GGT7: variants seen among roughly 807,000 people sequenced by gnomAD.
GGT7 encodes gamma-glutamyltransferase 7.
A neutral mutation model predicts 69.2 loss-of-function variants in GGT7; 30 were observed. That is an observed-to-expected ratio of 0.43 (90% CI 0.32 to 0.59). The LOEUF is 0.59. Among genes scored for constraint, GGT7 ranks in the 20% least tolerant of loss-of-function variants. The probability of loss-of-function intolerance (pLI) is 0.05; values close to 1 mark genes in which losing one functional copy is unlikely to be tolerated. For synonymous variants in GGT7, 388 were observed against 391.8 expected (o/e 0.99, Z 0.12); for missense variants, 733 against 901.1 (o/e 0.81, Z 2.39).
chr20:34,853,465 A>G (rs1255022897), intron 10 of GGT7, among the ~76,000 whole-genome samples: 1 of 151,302 alleles, frequency 6.6e-6, no homozygotes, highest in Non-Finnish European at 1.5e-5. Context: ...GGGAGGCTGA[A>G]GCAGGAGAAT....
At chr20:34,851,743 T>C (rs1211679910) in intron 12 of GGT7, among the ~76,000 whole-genome samples, 1 of 152,192 alleles carries the variant, frequency 6.6e-6, no homozygotes, top group Non-Finnish European at 1.5e-5. Context: ...GATTTTTAAC[T>C]AGATAAAAAT....
At chr20:34,855,814 T>TGTGTGTGTGTGTGTGTGTGTGAGA (rs56219337) in intron 8 of GGT7, among the ~76,000 whole-genome samples, 6 of 144,516 alleles carry the variant, frequency 4.2e-5, no homozygotes, top group African/African-American at 1.3e-4. Context: ...TGTGTGTGTG[T>TGTGTGTGTGTGTGTGTGTGTGAGA]GATAATGGTC....
At chr20:34,853,189 C>A (rs912523357) in intron 10 of GGT7, among the ~76,000 whole-genome samples, 1 of 152,148 alleles carries the variant, frequency 6.6e-6, no homozygotes, top group African/African-American at 2.4e-5. Flanking sequence ...AAATGATCCA[C>A]TCACCTCGGC....
rs2079286704 is a variant in GGT7, at chr20:34,845,396, T to C, written c.1921A>G (p.Thr641Ala). The change falls in exon 15 of 15, where the codon ACC (threonine) becomes GCC (alanine). Residue 641 changes from threonine (T) to alanine (A), a missense_variant. Coordinates refer to ENST00000336431, the MANE Select transcript of GGT7 (RefSeq NM_178026.3). ...TTAACAGCGATGATGAAGTTGTTGGTCCTTCGGCTGCCATGGACCCAGGAT... is the reference window on the plus strand; with the variant it reads ...TTAACAGCGATGATGAAGTTGTTGGCCCTTCGGCTGCCATGGACCCAGGAT... The part of the protein sequence containing the change: ...VLSWVHGSRR[T>A]NNFIIAVKDP... The C allele has an allele frequency of 6.2e-7, 1 of 1,614,136 alleles. No homozygotes were observed. Among genetic ancestry groups the C allele is most frequent in the Non-Finnish European group, 8.5e-7 (1 of 1,179,994 alleles).
chr20:34,862,472 G>T (rs527918400), intron 3 of GGT7, among the ~76,000 whole-genome samples: 1 of 151,552 alleles, frequency 6.6e-6, no homozygotes, highest in Non-Finnish European at 1.5e-5. Context: ...CTTTTCATCA[G>T]ACCCATAGGG....
chr20:34,869,407 A>G (rs1331862495), intron 1 of GGT7, among the ~76,000 whole-genome samples: 1 of 152,148 alleles, frequency 6.6e-6, no homozygotes, highest in Non-Finnish European at 1.5e-5. Context: ...CCTGAGCTCA[A>G]GCAATCTGCC....
In GGT7 at chr20:34,863,729, G is replaced by C. The variant is rs1297601339; in HGVS notation, c.170-181C>G. ...CAGGACAGGCGGGGCAACGGTGCCC[G>C]GCTAGGAAGAGACAGGGACCTCCCC... On this transcript the variant is annotated intron_variant, in intron 1 of 14. Transcript: ENST00000336431. This position sits in a 1 kb window ranked among gnomAD's most constrained non-coding sequence, Gnocchi z 4.4. 7.0e-6 allele frequency: 5 copies of C among 717,466 alleles called. No homozygotes were observed. The highest frequency in any genetic ancestry group is 1.3e-5 in the Non-Finnish European group (5 of 386,228). The allele number at this position is 717,466 out of a possible 1,614,324, so 44.4% of individuals were successfully genotyped here. A position where few individuals can be genotyped will look rare whatever the true frequency, so the allele number is the denominator to read the frequency against.
chr20:34,869,440 G>A (rs1041081768), intron 1 of GGT7, among the ~76,000 whole-genome samples: 2 of 152,162 alleles, frequency 1.3e-5, no homozygotes, highest in Non-Finnish European at 2.9e-5. Flanking sequence ...CCAAAATGCT[G>A]GGATTACAGG....
chr20:34,855,235 GGT>G (rs1331905878), intron 8 of GGT7, among the ~76,000 whole-genome samples: 3 of 152,284 alleles, frequency 2.0e-5, no homozygotes, highest in Admixed American at 2.0e-4. Context: ...AGCAGAAACA[GGT>G]GACCAGATGT....
intron 13 of GGT7, among the ~76,000 whole-genome samples, chr20:34,850,440 G>A (rs569805772): frequency 5.3e-5 from 8 of 152,258 alleles, no homozygotes; most frequent in African/African-American, 1.9e-4. Flanking sequence ...AGGAGTGTGC[G>A]TAGGCTCTGG....
intron 10 of GGT7, among the ~76,000 whole-genome samples, chr20:34,853,124 T>A (rs888877702): frequency 2.0e-5 from 3 of 152,028 alleles, no homozygotes; most frequent in African/African-American, 7.2e-5. Context: ...TAATTTTTTT[T>A]AGTAGAGACG....
intron 7 of GGT7, 89 bp downstream of exon 7, chr20:34,859,354 G>A: frequency 2.2e-6 from 2 of 925,944 alleles, no homozygotes; most frequent in Middle Eastern, 2.6e-4. Context: ...AAGGGAGGGA[G>A]GGAGGGAAGG....
chr20:34,861,138 C>T (rs1208127818), intron 4 of GGT7, among the ~76,000 whole-genome samples: 1 of 152,194 alleles, frequency 6.6e-6, no homozygotes, highest in African/African-American at 2.4e-5. Flanking sequence ...AAGTTATAGT[C>T]AACTGGCTCA....
intron 14 of GGT7, 94 bp from the exon 15 acceptor site, chr20:34,845,585 C>A: frequency 1.9e-6 from 2 of 1,059,174 alleles, no homozygotes; most frequent in East Asian, 2.4e-5. Context: ...CCTGGCTGCT[C>A]CACCACAGAG....
chr20:34,868,528 T>G (rs2079729671), intron 1 of GGT7, among the ~76,000 whole-genome samples: 1 of 152,210 alleles, frequency 6.6e-6, no homozygotes, highest in Non-Finnish European at 1.5e-5. Context: ...GATATCTAAT[T>G]TTTACCTTCA....
intron 7 of GGT7, 85 bp downstream of exon 7, chr20:34,859,358 G>GGGAA (rs374722538): frequency 3.0e-6 from 3 of 990,044 alleles, no homozygotes; most frequent in Middle Eastern, 2.4e-4. Context: ...GAGGGAGGGA[G>GGGAA]GGAAGGAAGG....
rs368037837 is a variant in GGT7 at position 34,854,664 on chromosome 20, C to A, written c.1231-45G>T. The A allele has an allele frequency of 5.7e-6, 9 of 1,575,622 alleles. No individual in the cohort carries two copies. The African/African-American group carries it at 1.2e-4, about 21-fold the overall frequency. ...ATGGAAGAGGCTGCCAGGCCCCTCC[C>A]AGAACCCACACCCAGTGGACTTTCG... On this transcript the variant is annotated intron_variant, in intron 9 of 14. Coordinates refer to ENST00000336431, the MANE Select transcript of GGT7 (RefSeq NM_178026.3).
rs201808310 is a variant in GGT7, at chr20:34,851,304, G to A, written c.1652C>T (p.Ala551Val). Residue 551 changes from alanine (A) to valine (V), a missense_variant, in exon 13 of 15, where the codon GCG (alanine) becomes GTG (valine). Coordinates refer to ENST00000336431, the MANE Select transcript of GGT7 (RefSeq NM_178026.3). Reference protein sequence around the residue: ...SFLLPTVVRPAEGLCGTYLAL... With the variant: ...SFLLPTVVRPVEGLCGTYLAL... The stretch of plus-strand genomic sequence containing the variant: ...GAGGTAGGTTCCACAGAGCCCCTCC[G>A]CGGGTCGGACCACTGTGGGCAGCAG... 2.9e-5 allele frequency: 46 copies of A among 1,613,966 alleles called. 1 individual carries two copies. In the South Asian group the frequency reaches 3.0e-4, roughly 10 times the overall value.
At chr20:34,853,561 CAAAA>C (rs200997506) in intron 10 of GGT7, among the ~76,000 whole-genome samples, 1 of 112,484 alleles carries the variant, frequency 8.9e-6, no homozygotes, top group Non-Finnish European at 1.8e-5. Context: ...GACTCCATCT[CAAAA>C]AAAAAAAAAA....
Sources: allele counts gnomAD v4.1 joint callset (sites outside exome capture counted in the v4.1 genomes callset), GRCh38; gene constraint gnomAD v4.1.1; non-coding constraint Gnocchi (gnomAD v3.1); transcripts MANE v1.5; gene names NCBI Gene and HGNC (gene_info 2026-07-23, HGNC 2026-07-21).